Variants in WDR33 observed in about 807,000 individuals in gnomAD.
WDR33 encodes WD repeat domain 33, also known as pre-mRNA 3' end processing protein WDR33.
A neutral mutation model predicts 164.9 loss-of-function variants in WDR33; 47 were observed. The observed-to-expected ratio is 0.29, with a 90% CI of 0.23 to 0.36. WDR33 has a LOEUF of 0.36. Ranked by LOEUF, WDR33 falls within the 10% of genes least tolerant of loss-of-function variation. The pLI, the probability that WDR33 is intolerant of heterozygous loss-of-function variation, is 1.00. For synonymous variants in WDR33, 505 were observed against 589.0 expected, an observed-to-expected ratio of 0.86 and a Z score of 2.06; for missense variants, 1,137 against 1,754.1, an observed-to-expected ratio of 0.65 and a Z score of 6.28.
intron 1 of WDR33, among the ~76,000 whole-genome samples, chr2:127,801,206 C>A (rs79342989): frequency 0.05 from 7,555 of 152,090 alleles, 267 homozygotes; most frequent in Middle Eastern, 0.11. Flanking sequence ...TTTGCTTGAG[C>A]CCGGGACGTT....
intron 1 of WDR33, chr2:127,810,800 G>C (rs1689623946): frequency 6.6e-6 from 1 of 152,366 alleles, no homozygotes; most frequent in Non-Finnish European, 1.5e-5. Flanking sequence ...AACCATGGCC[G>C]CTTTTCCCGG....
chr2:127,702,054 C>A lies in WDR33; in HGVS notation c.*4269G>T. 8.2e-7 allele frequency: 1 copy of A among 1,225,634 alleles called. No homozygotes were observed. The highest frequency in any genetic ancestry group is 1.0e-6 in the Non-Finnish European group (1 of 985,690). The allele number at this position is 1,225,634 out of a possible 1,614,324, so 75.9% of individuals were successfully genotyped here. On this transcript the variant is annotated 3_prime_UTR_variant, in exon 22 of 22. Coordinates refer to ENST00000322313, the MANE Select transcript of WDR33 (RefSeq NM_018383.5). ...GCTCACGGTGCTGGGCGCGGGCGCGCAGGTGGCCGCGCTGCTGGCCGCGCT... is the reference window on the plus strand; with the variant it reads ...GCTCACGGTGCTGGGCGCGGGCGCGAAGGTGGCCGCGCTGCTGGCCGCGCT...
chr2:127,708,652 A>G lies in WDR33; in HGVS notation c.3781+25T>C. The G allele has an allele frequency of 1.9e-6, 3 of 1,556,690 alleles. No individual in the cohort carries two copies. Among genetic ancestry groups the G allele is most frequent in the Non-Finnish European group, 2.6e-6 (3 of 1,150,090 alleles). ...TCCATCGGCCCCTGCATCTCCTGGA[A>G]CCATAACCACTGGCCTGCTCTTACC... On this transcript the variant is annotated intron_variant, in intron 21 of 21. Coordinates refer to ENST00000322313, the MANE Select transcript of WDR33 (RefSeq NM_018383.5). This position sits in a 1 kb window ranked among gnomAD's most constrained non-coding sequence, Gnocchi z 6.7.
chr2:127,764,353 A>T lies in WDR33; in HGVS notation c.626+475T>A, dbSNP rs1185526165. On this transcript the variant is annotated intron_variant, in intron 6 of 21. Transcript: ENST00000322313. The surrounding 1 kb of genome is among the most constrained non-coding windows in gnomAD (Gnocchi z 6.2). ...TTATCTGTGAGGGTTTTAGTCCTAT[A>T]CTTTCCTTTGGAAGTCGTGGCATAA... is the stretch of plus-strand genomic sequence containing the variant. 2 of 1,421,306 alleles carry T rather than the reference A, an allele frequency of 1.4e-6. No homozygotes were observed. The highest frequency in any genetic ancestry group is 2.9e-5 in the African/African-American group (2 of 69,024). 88.0% of individuals were successfully genotyped at this position (1,421,306 alleles called of 1,614,324 possible). A position where few individuals can be genotyped will look rare whatever the true frequency, so the allele number is the denominator to read the frequency against.
intron 7 of WDR33, among the ~76,000 whole-genome samples, chr2:127,728,506 A>G (rs1686623280): frequency 6.6e-6 from 1 of 152,200 alleles, no homozygotes; most frequent in Non-Finnish European, 1.5e-5. Context: ...TATATTTTCT[A>G]CAATGAACAT....
intron 7 of WDR33, among the ~76,000 whole-genome samples, chr2:127,728,523 T>C (rs1303678315): frequency 6.6e-6 from 1 of 152,224 alleles, no homozygotes; most frequent in Non-Finnish European, 1.5e-5. Context: ...ACATATTTTG[T>C]AACTGGGTGG....
At chr2:127,707,087 GCACAAAAA>G (rs1686034849) in intron 21 of WDR33, among the ~76,000 whole-genome samples, 1 of 151,838 alleles carries the variant, frequency 6.6e-6, no homozygotes, top group East Asian at 1.9e-4. Context: ...CAAAAGAAAA[GCACAAAAA>G]CCCAAAAACC....
intron 1 of WDR33, among the ~76,000 whole-genome samples, chr2:127,771,686 G>A (rs1688007735): frequency 6.6e-6 from 1 of 151,500 alleles, no homozygotes; most frequent in Non-Finnish European, 1.5e-5. Flanking sequence ...GCTGAGACAG[G>A]AGAATCACTT....
intron 7 of WDR33, among the ~76,000 whole-genome samples, chr2:127,727,037 G>T (rs994785182): frequency 6.6e-6 from 1 of 152,078 alleles, no homozygotes; most frequent in African/African-American, 2.4e-5. Context: ...GAGGTCAGTC[G>T]AGGCTTTTGG....
intron 1 of WDR33, among the ~76,000 whole-genome samples, chr2:127,784,645 TAC>T (rs1461674899): frequency 6.6e-6 from 1 of 152,160 alleles, no homozygotes; most frequent in East Asian, 1.9e-4. Flanking sequence ...CCTCCCAAAG[TAC>T]AGAGACTACA....
chr2:127,764,042 C>G lies in WDR33; in HGVS notation c.626+786G>C, dbSNP rs2105434661. 1 of 986,322 alleles carries G rather than the reference C, an allele frequency of 1.0e-6. No individual in the cohort carries two copies. The highest frequency in any genetic ancestry group is 1.7e-5 in the African/African-American group (1 of 57,394). The allele number at this position is 986,322 out of a possible 1,614,324, so 61.1% of individuals were successfully genotyped here. ...AACCTCCTCCCACACATGGGTGGCACAACCTTAAAGAATGCTGCTTAGCTT... is the reference window on the plus strand; with the variant it reads ...AACCTCCTCCCACACATGGGTGGCAGAACCTTAAAGAATGCTGCTTAGCTT... On this transcript the variant is annotated intron_variant, in intron 6 of 21. Coordinates refer to ENST00000322313, the MANE Select transcript of WDR33 (RefSeq NM_018383.5). This position sits in a 1 kb window ranked among gnomAD's most constrained non-coding sequence, Gnocchi z 6.2.
chr2:127,734,718 G>A (rs1006692021), intron 7 of WDR33, among the ~76,000 whole-genome samples: 4 of 152,126 alleles, frequency 2.6e-5, no homozygotes, highest in African/African-American at 9.7e-5. Flanking sequence ...GGGTTACATA[G>A]TGCTAGAACA....
intron 1 of WDR33, among the ~76,000 whole-genome samples, chr2:127,794,597 C>T (rs140198360): frequency 0.018 from 2,662 of 151,838 alleles, 149 homozygotes; most frequent in South Asian, 0.17. Flanking sequence ...CTTTGGGAAG[C>T]CAAGGAGGGC....
At chr2:127,782,951 G>T (rs1688426505) in intron 1 of WDR33, among the ~76,000 whole-genome samples, 1 of 152,204 alleles carries the variant, frequency 6.6e-6, no homozygotes, top group Non-Finnish European at 1.5e-5. Flanking sequence ...AGAGCTTGCA[G>T]TGAGCCGAGA....
In WDR33 at chr2:127,717,290, T is replaced by C. The variant is rs780449820; in HGVS notation, c.2761-27A>G. 6.5e-7 allele frequency: 1 copy of C among 1,527,026 alleles called. No homozygotes were observed. Among genetic ancestry groups the C allele is most frequent in the South Asian group, 1.2e-5 (1 of 80,342 alleles). 94.6% of individuals were successfully genotyped at this position (1,527,026 alleles called of 1,614,324 possible). ...TGAAAATATGTTTTTAAAGTAAGGGTATGAAATCACAGGCTTGAGCTACAT... is the reference window on the plus strand; with the variant it reads ...TGAAAATATGTTTTTAAAGTAAGGGCATGAAATCACAGGCTTGAGCTACAT... On this transcript the variant is annotated intron_variant, in intron 16 of 21. Coordinates refer to ENST00000322313, the MANE Select transcript of WDR33 (RefSeq NM_018383.5). This position sits in a 1 kb window ranked among gnomAD's most constrained non-coding sequence, Gnocchi z 5.6.
At chr2:127,772,696 A>G (rs1214289566) in intron 1 of WDR33, among the ~76,000 whole-genome samples, 2 of 152,186 alleles carry the variant, frequency 1.3e-5, no homozygotes, top group Non-Finnish European at 2.9e-5. Flanking sequence ...ACATATTTAC[A>G]AAGGTAACAT....
At chr2:127,802,298 A>C (rs1023378733) in intron 1 of WDR33, among the ~76,000 whole-genome samples, 2 of 152,214 alleles carry the variant, frequency 1.3e-5, no homozygotes, top group Admixed American at 1.3e-4. Context: ...GAATATACAC[A>C]GTAAAAACTG....
At chr2:127,771,039 T>C (rs902136362) in intron 1 of WDR33, 35 bp from the exon 2 acceptor site, 2 of 1,520,024 alleles carry the variant, frequency 1.3e-6, no homozygotes, top group African/African-American at 2.7e-5. Flanking sequence ...ACTACAAATA[T>C]CAGCACTGCA....
chr2:127,762,428 T>C, intron 7 of WDR33: 1 of 834,740 alleles, frequency 1.2e-6, no homozygotes, highest in Non-Finnish European at 1.4e-6. Context: ...ACAGTCCCAC[T>C]TTATAAAGTC....
Sources: gnomAD v4.1 joint callset for allele counts (sites outside exome capture counted in the v4.1 genomes callset) on GRCh38, gnomAD v4.1.1 for gene constraint, Gnocchi (gnomAD v3.1) non-coding constraint, MANE v1.5 for transcripts, NCBI Gene and HGNC (gene_info 2026-07-23, HGNC 2026-07-21) for gene names.